The following GATAD2B variants were observed in gnomAD, a reference collection of about 807,000 sequenced individuals.
The protein encoded by GATAD2B is GATA zinc finger domain containing 2B, also known as transcriptional repressor p66-beta.
GATAD2B carries 8 observed loss-of-function variants against 64.3 expected under a neutral mutation model. The observed-to-expected ratio is 0.12, with a 90% CI of 0.07 to 0.22. GATAD2B has a LOEUF of 0.22. GATAD2B is among the 10% of genes least tolerant of loss of function. The pLI is 1.00. For missense variants in GATAD2B, 453 were observed against 752.0 expected (o/e 0.60, Z 4.65); for synonymous variants, 281 against 271.3 (o/e 1.04, Z -0.35).
chr1:153,855,746 C>G (rs149907895), intron 1 of GATAD2B, among the ~76,000 whole-genome samples: 1 of 152,132 alleles, frequency 6.6e-6, no homozygotes, highest in East Asian at 1.9e-4. Context: ...ATGATCTCGG[C>G]TCACTGCAAC....
chr1:153,867,299 T>C (rs924112764), intron 1 of GATAD2B, among the ~76,000 whole-genome samples: 4 of 152,114 alleles, frequency 2.6e-5, no homozygotes, highest in African/African-American at 9.7e-5. Flanking sequence ...CTGCTTATTA[T>C]ACTACAATAT....
At chr1:153,827,892 G>T in intron 2 of GATAD2B, 121 bp downstream of exon 2, 1 of 735,166 alleles carries the variant, frequency 1.4e-6, no homozygotes, top group Non-Finnish European at 2.3e-6. Flanking sequence ...CAAACTCGAT[G>T]ATATATCTTC....
intron 1 of GATAD2B, among the ~76,000 whole-genome samples, chr1:153,849,802 T>C (rs1215617926): frequency 2.6e-5 from 4 of 152,046 alleles, no homozygotes; most frequent in African/African-American, 7.3e-5. Context: ...AGCTAATGTT[T>C]TGTATTTTTA....
intron 1 of GATAD2B, among the ~76,000 whole-genome samples, chr1:153,833,280 A>G (rs992660041): frequency 2.0e-5 from 3 of 152,156 alleles, no homozygotes; most frequent in African/African-American, 7.2e-5. Context: ...TGGAACAACG[A>G]CGTCTGGATG....
chr1:153,828,355 A>C lies in GATAD2B; in HGVS notation c.-1-7T>G. Reference sequence around the variant, plus strand: ...TTCTGTCATTCTATCCATCCTATGGAAAGAAAAATACAAGTAAGATCAGAA... The same window carrying C: ...TTCTGTCATTCTATCCATCCTATGGCAAGAAAAATACAAGTAAGATCAGAA... On this transcript the variant is annotated splice_region_variant and splice_polypyrimidine_tract_variant and intron_variant, in intron 1 of 10. Transcript: ENST00000368655. 6.3e-7 allele frequency: 1 copy of C among 1,599,340 alleles called. No individual in the cohort carries two copies. The highest frequency in any genetic ancestry group is 8.5e-7 in the Non-Finnish European group (1 of 1,175,162).
chr1:153,903,813 T>A (rs1355040541), intron 1 of GATAD2B, among the ~76,000 whole-genome samples: 1 of 151,872 alleles, frequency 6.6e-6, no homozygotes, highest in Non-Finnish European at 1.5e-5. Context: ...GCAAATCCCC[T>A]CTCTACAAAA....
intron 2 of GATAD2B, among the ~76,000 whole-genome samples, chr1:153,826,455 C>T (rs1674881971): frequency 6.6e-6 from 1 of 150,860 alleles, no homozygotes; most frequent in African/African-American, 2.4e-5. Context: ...ATGGTGAAAC[C>T]CCATCTCTAC....
At chr1:153,845,376 G>A (rs956130411) in intron 1 of GATAD2B, among the ~76,000 whole-genome samples, 1 of 147,880 alleles carries the variant, frequency 6.8e-6, no homozygotes, top group Admixed American at 6.8e-5. Flanking sequence ...GCCAGACCCT[G>A]TATCAGTAAA....
intron 4 of GATAD2B, among the ~76,000 whole-genome samples, chr1:153,818,440 G>A (rs554090021): frequency 2.7e-5 from 4 of 149,380 alleles, no homozygotes; most frequent in East Asian, 2.0e-4. Flanking sequence ...TCAGCCTCCC[G>A]AGTAGCTGGG....
In GATAD2B at chr1:153,816,647, C is replaced by A. The variant is rs770756131; in HGVS notation, c.901-59G>T. ...ATGCAGGAGAAAGGGCCAATTCTTA[C>A]GTTCTTGGCAGAGGACACTGTCTGA... is the stretch of plus-strand genomic sequence containing the variant. On this transcript the variant is annotated intron_variant, in intron 6 of 10. Transcript: ENST00000368655. The surrounding 1 kb of genome is among the most constrained non-coding windows in gnomAD (Gnocchi z 4.9). 6.1e-6 allele frequency: 7 copies of A among 1,153,490 alleles called. No individual in the cohort carries two copies. In the East Asian group the frequency reaches 1.4e-4, roughly 24 times the overall value. 71.5% of individuals were successfully genotyped at this position (1,153,490 alleles called of 1,614,324 possible). A position where few individuals can be genotyped will look rare whatever the true frequency, so the allele number is the denominator to read the frequency against.
intron 1 of GATAD2B, among the ~76,000 whole-genome samples, chr1:153,912,274 A>C (rs939396044): frequency 6.6e-6 from 1 of 152,208 alleles, no homozygotes; most frequent in Non-Finnish European, 1.5e-5. Context: ...CTCAGTTACA[A>C]CTATCTTCCT....
chr1:153,840,108 C>T (rs1403745664), intron 1 of GATAD2B, among the ~76,000 whole-genome samples: 17 of 139,612 alleles, frequency 1.2e-4, no homozygotes, highest in Admixed American at 1.2e-3. Context: ...TCTTGTCTCA[C>T]TGCTACCTCC....
chr1:153,835,632 T>C (rs1449321058), intron 1 of GATAD2B, among the ~76,000 whole-genome samples: 1 of 152,196 alleles, frequency 6.6e-6, no homozygotes, highest in Non-Finnish European at 1.5e-5. Flanking sequence ...AGAAAGTGTT[T>C]TTTATTTAAG....
At chr1:153,823,229 T>TA (rs1674746727) in intron 2 of GATAD2B, among the ~76,000 whole-genome samples, 2 of 152,220 alleles carry the variant, frequency 1.3e-5, no homozygotes, top group Admixed American at 1.3e-4. Context: ...TCCTACCTAT[T>TA]AGAGAGATAT....
At chr1:153,899,574 GAA>G (rs79231501) in intron 1 of GATAD2B, among the ~76,000 whole-genome samples, 1 of 113,318 alleles carries the variant, frequency 8.8e-6, no homozygotes, top group Non-Finnish European at 1.9e-5. Context: ...ATCTTAAAAA[GAA>G]AAAAAAAAAA....
chr1:153,892,102 T>C (rs887456398), intron 1 of GATAD2B, among the ~76,000 whole-genome samples: 3 of 146,804 alleles, frequency 2.0e-5, no homozygotes, highest in Admixed American at 1.4e-4. Context: ...GAGGCGGAGG[T>C]TGCAGTGAGC....
intron 4 of GATAD2B, 70 bp from the exon 5 acceptor site, chr1:153,818,241 T>TTA: frequency 7.1e-7 from 1 of 1,402,186 alleles, no homozygotes; most frequent in Non-Finnish European, 9.7e-7. Flanking sequence ...ATTTCTAGAC[T>TTA]TTAAAAATTC....
intron 1 of GATAD2B, among the ~76,000 whole-genome samples, chr1:153,859,787 T>C (rs1020159533): frequency 2.6e-5 from 4 of 152,012 alleles, no homozygotes; most frequent in African/African-American, 9.7e-5. Context: ...TGATTAACAA[T>C]GTTCCTTTCA....
chr1:153,871,546 G>A (rs924676359), intron 1 of GATAD2B, among the ~76,000 whole-genome samples: 7 of 151,688 alleles, frequency 4.6e-5, no homozygotes, highest in Non-Finnish European at 7.4e-5. Flanking sequence ...TATTAGAATC[G>A]TGGATATTTT....
Sources: gnomAD v4.1 joint callset for allele counts (sites outside exome capture counted in the v4.1 genomes callset) on GRCh38, gnomAD v4.1.1 for gene constraint, Gnocchi (gnomAD v3.1) non-coding constraint, MANE v1.5 for transcripts, NCBI Gene and HGNC (gene_info 2026-07-23, HGNC 2026-07-21) for gene names.